WDR17: variants seen among roughly 807,000 people sequenced by gnomAD.
WDR17 encodes the protein WD repeat domain 17.
Under a neutral mutation model 161.7 loss-of-function variants are expected in WDR17, and 143 were observed. The observed-to-expected ratio is 0.88, with a 90% confidence interval of 0.77 to 1.02. The LOEUF (loss-of-function observed/expected upper bound fraction) is 1.02. Among genes scored for constraint, WDR17 ranks in the 50% least tolerant of loss-of-function variants. The pLI, the probability that WDR17 is intolerant of heterozygous loss-of-function variation, is 0.00. For synonymous variants in WDR17, 517 were observed against 515.6 expected, an observed-to-expected ratio of 1.00 and a Z score of -0.04; for missense variants, 1,469 against 1,520.9, an observed-to-expected ratio of 0.97 and a Z score of 0.57.
intron 18 of WDR17, among the ~76,000 whole-genome samples, chr4:176,158,295 A>C (rs1447638946): frequency 6.6e-6 from 1 of 152,214 alleles, no homozygotes; most frequent in Non-Finnish European, 1.5e-5. Context: ...CGCCATATGT[A>C]GTGATGTGGG....
chr4:176,143,354 G>C (rs186055258), intron 11 of WDR17, among the ~76,000 whole-genome samples: 1 of 152,012 alleles, frequency 6.6e-6, no homozygotes, highest in African/African-American at 2.4e-5. Context: ...ACCAATTCCT[G>C]TAATTTTCTC....
Position 176,156,102 on chromosome 4 carries a change from AC to A in WDR17, c.2486del (p.Pro829GlnfsTer5), listed in dbSNP as rs1281730084. 9.3e-6 allele frequency: 15 copies of A among 1,613,632 alleles called. No individual in the cohort carries two copies. The highest frequency in any genetic ancestry group is 1.3e-5 in the Non-Finnish European group (15 of 1,179,802). ...AGTGGGACAAAGCCCTGTCAATTGC[AC>A]CAGGAGTCTCTGTGAAATACTGGAA... ...GEWDKALSIA[P>X]GVSVKYWKKL... On this transcript the variant is annotated frameshift_variant, in exon 18 of 29. Coordinates refer to ENST00000508596, the MANE Select transcript of WDR17 (RefSeq NM_181265.4). LOFTEE classifies it high-confidence loss of function.
At chr4:176,067,432 A>G (rs1732676033) in intron 1 of WDR17, among the ~76,000 whole-genome samples, 1 of 152,208 alleles carries the variant, frequency 6.6e-6, no homozygotes, top group Admixed American at 6.5e-5. Context: ...GAGTTCTGCA[A>G]ACGTAATTAT....
intron 22 of WDR17, among the ~76,000 whole-genome samples, chr4:176,164,596 C>T (rs1368500501): frequency 1.3e-5 from 2 of 152,130 alleles, no homozygotes; most frequent in African/African-American, 4.8e-5. Context: ...AAATCTGAAA[C>T]ACCTTTGGTC....
chr4:176,137,591 A>T lies in WDR17; in HGVS notation c.1339A>T (p.Ile447Phe). ...AFIWNVQKGK[I>F]IQRFNEHGTN... ...TATTTGGAATGTTCAAAAGGGCAAA[A>T]TTATACAACGATTTAATGAGGTAAG... Residue 447 changes from isoleucine (I) to phenylalanine (F), a missense_variant, in exon 9 of 29, where the codon ATT becomes TTT. Physicochemically the swap from Ile to Phe is conservative, Grantham distance 21. Coordinates refer to ENST00000508596, the MANE Select transcript of WDR17 (RefSeq NM_181265.4). The T allele has an allele frequency of 6.3e-7, 1 of 1,594,820 alleles. No individual in the cohort carries two copies. The highest frequency in any genetic ancestry group is 8.6e-7 in the Non-Finnish European group (1 of 1,168,032).
At chr4:176,151,378 C>G (rs1362668053) in intron 16 of WDR17, among the ~76,000 whole-genome samples, 1 of 152,048 alleles carries the variant, frequency 6.6e-6, no homozygotes, top group Non-Finnish European at 1.5e-5. Context: ...TTCAATCTCT[C>G]CCCTCCCGTG....
At chr4:176,118,473 T>G (rs564098647) in intron 3 of WDR17, among the ~76,000 whole-genome samples, 317 of 152,272 alleles carry the variant, frequency 2.1e-3, no homozygotes, top group African/African-American at 7.2e-3. Context: ...AGCAAATATT[T>G]ATGGAGTCCT....
At chr4:176,133,666 A>C (rs1743922551) in intron 7 of WDR17, among the ~76,000 whole-genome samples, 1 of 151,526 alleles carries the variant, frequency 6.6e-6, no homozygotes, top group South Asian at 2.1e-4. Context: ...AAATTTCTCG[A>C]AGTGTTACCA....
chr4:176,146,065 C>A lies in WDR17; in HGVS notation c.1600C>A (p.Pro534Thr). The change falls in exon 12 of 29, where the codon CCA (proline) becomes ACA (threonine). Residue 534 changes from proline (P) to threonine (T), a missense_variant. Pro to Thr is a conservative substitution (Grantham distance 38, BLOSUM62 -1). Transcript: ENST00000508596. ...TTATGTAGCCACCAGCTCAGATCAA[C>A]CATTGAAAGTATTTAGTGGGCATAC... Reference protein sequence around the residue: ...VYYVATSSDQPLKVFSGHTAK... With the variant: ...VYYVATSSDQTLKVFSGHTAK... 1.2e-6 allele frequency: 2 copies of A among 1,613,956 alleles called. No individual in the cohort carries two copies. Among genetic ancestry groups the A allele is most frequent in the Non-Finnish European group, 8.5e-7 (1 of 1,179,954 alleles).
At chr4:176,163,362 C>T in intron 22 of WDR17, 69 bp downstream of exon 22, 2 of 1,507,414 alleles carry the variant, frequency 1.3e-6, no homozygotes, top group Non-Finnish European at 8.9e-7. Flanking sequence ...TTATAAATTC[C>T]ATTTGATAAG....
chr4:176,096,736 A>G (rs1736932008), intron 1 of WDR17: 1 of 540,838 alleles, frequency 1.8e-6, no homozygotes, highest in Non-Finnish European at 3.1e-6. Context: ...CTAGTTTTAA[A>G]GCAAAAGTAA....
chr4:176,108,796 T>C (rs1739234269), intron 1 of WDR17, among the ~76,000 whole-genome samples: 2 of 152,078 alleles, frequency 1.3e-5, no homozygotes, highest in Non-Finnish European at 2.9e-5. Flanking sequence ...AAAATGACTT[T>C]TGTTTATTTA....
chr4:176,109,873 G>A (rs370904611), intron 1 of WDR17, among the ~76,000 whole-genome samples: 6 of 152,106 alleles, frequency 3.9e-5, no homozygotes, highest in African/African-American at 1.2e-4. Context: ...TTAACATTAT[G>A]CAAAGCTTTT....
chr4:176,148,093 T>C, intron 12 of WDR17, 40 bp from the exon 13 acceptor site: 1 of 1,563,732 alleles, frequency 6.4e-7, no homozygotes, highest in African/African-American at 1.4e-5. Flanking sequence ...AGATACATTA[T>C]AACTTGAATG....
intron 19 of WDR17, 62 bp downstream of exon 19, chr4:176,160,188 G>C: frequency 2.5e-6 from 4 of 1,582,034 alleles, no homozygotes; most frequent in South Asian, 1.2e-5. Context: ...AAGGGAGAAG[G>C]TTGTGTTGAC....
chr4:176,133,201 A>G (rs13114500), intron 7 of WDR17, among the ~76,000 whole-genome samples: 1 of 140,032 alleles, frequency 7.1e-6, no homozygotes, highest in Non-Finnish European at 1.5e-5. Flanking sequence ...TTTTTTTACC[A>G]CTTCACTATT....
intron 1 of WDR17, among the ~76,000 whole-genome samples, chr4:176,071,711 G>A (rs1424772761): frequency 6.6e-6 from 1 of 152,114 alleles, no homozygotes; most frequent in Admixed American, 6.5e-5. Flanking sequence ...TTACTTCTTT[G>A]ATCAAATCAA....
At chr4:176,165,450 AC>A (rs1561207183) in intron 22 of WDR17, among the ~76,000 whole-genome samples, 2 of 151,980 alleles carry the variant, frequency 1.3e-5, no homozygotes, top group South Asian at 4.2e-4. Flanking sequence ...AGGGGTGCCA[AC>A]CCCCCAAGCA....
chr4:176,180,156 CTTT>C lies in WDR17; in HGVS notation c.*579_*581del, dbSNP rs972192144. The C allele has an allele frequency of 1.3e-5, 2 of 151,764 alleles. No homozygotes were observed. The highest frequency in any genetic ancestry group is 4.8e-5 in the African/African-American group (2 of 41,382). The allele number at this position is 151,764 out of a possible 1,614,324, so 9.4% of individuals were successfully genotyped here. A position where few individuals can be genotyped will look rare whatever the true frequency, so the allele number is the denominator to read the frequency against. On this transcript the variant is annotated 3_prime_UTR_variant, in exon 29 of 29. Coordinates refer to ENST00000508596, the MANE Select transcript of WDR17 (RefSeq NM_181265.4). ...AATAAATGGATACACATTCAAAATA[CTTT>C]TAAAAAAAAGAAAATGTTACCAGTT...
Sources: allele counts gnomAD v4.1 joint callset (sites outside exome capture counted in the v4.1 genomes callset), GRCh38; gene constraint gnomAD v4.1.1; transcripts MANE v1.5; gene names NCBI Gene and HGNC (gene_info 2026-07-23, HGNC 2026-07-21).